TSPAN15: variants seen among roughly 807,000 people sequenced by gnomAD.
The protein encoded by TSPAN15 is tetraspanin 15.
In TSPAN15, 20 loss-of-function variants were observed where a neutral mutation model predicts 34.5. That is an observed-to-expected ratio of 0.58 (90% CI 0.41 to 0.84). The LOEUF (loss-of-function observed/expected upper bound fraction) is 0.84. Among genes scored for constraint, TSPAN15 ranks in the 40% least tolerant of loss-of-function variants. The probability of loss-of-function intolerance (pLI) is 0.00; values close to 1 mark genes in which losing one functional copy is unlikely to be tolerated. For synonymous variants in TSPAN15, 155 were observed against 153.9 expected, an observed-to-expected ratio of 1.01 and a Z score of -0.05; for missense variants, 313 against 386.1, an observed-to-expected ratio of 0.81 and a Z score of 1.59.
chr10:69,485,257 C>A, intron 3 of TSPAN15, 42 bp downstream of exon 3: 1 of 1,586,636 alleles, frequency 6.3e-7, no homozygotes. Context: ...GTGTATGGAG[C>A]ACCCACTGTG....
chr10:69,466,537 C>T (rs1435120096), intron 1 of TSPAN15, among the ~76,000 whole-genome samples: 1 of 100,860 alleles, frequency 9.9e-6, no homozygotes, highest in Non-Finnish European at 2.2e-5. Flanking sequence ...TAGTTTAGGT[C>T]AGGACCGTAT....
At chr10:69,459,780 G>A (rs2133063462) in intron 1 of TSPAN15, among the ~76,000 whole-genome samples, 1 of 150,274 alleles carries the variant, frequency 6.7e-6, no homozygotes, top group African/African-American at 2.4e-5. Context: ...CTGGGTAAAG[G>A]ACCAGCTCTC....
intron 5 of TSPAN15, among the ~76,000 whole-genome samples, chr10:69,504,140 GA>G (rs1842273423): frequency 6.6e-6 from 1 of 152,214 alleles, no homozygotes; most frequent in African/African-American, 2.4e-5. Context: ...CATAGCCCGG[GA>G]GCGTGGGCAG....
chr10:69,529,325 C>T, the TSPAN15 span, among the ~76,000 whole-genome samples: 32,944 of 147,434 alleles, frequency 0.22, 6,577 homozygotes, highest in African/African-American at 0.43. Context: ...GGCTCATCCC[C>T]GCTGCAGCAA....
chr10:69,533,589 C>A, the TSPAN15 span, among the ~76,000 whole-genome samples: 103 of 152,106 alleles, frequency 6.8e-4, 3 homozygotes, highest in South Asian at 0.011. Context: ...GATGGGTGCA[C>A]CAAAATCTCA....
chr10:69,536,707 G>A, the TSPAN15 span, among the ~76,000 whole-genome samples: 13 of 151,990 alleles, frequency 8.6e-5, no homozygotes, highest in Non-Finnish European at 1.3e-4. Flanking sequence ...GGTCCTGGTC[G>A]GGCATGGTGG....
intron 3 of TSPAN15, among the ~76,000 whole-genome samples, chr10:69,493,820 G>T (rs915679988): frequency 6.6e-6 from 1 of 151,446 alleles, no homozygotes; most frequent in Non-Finnish European, 1.5e-5. Flanking sequence ...TCATCATATT[G>T]GTCAGGCTGG....
chr10:69,471,275 A>C (rs1479096556), intron 1 of TSPAN15, among the ~76,000 whole-genome samples: 2 of 152,026 alleles, frequency 1.3e-5, no homozygotes, highest in African/African-American at 4.8e-5. Context: ...GGGCTCTTGT[A>C]TCTAGAACCA....
intron 1 of TSPAN15, among the ~76,000 whole-genome samples, chr10:69,459,328 T>C (rs1589621525): frequency 6.6e-6 from 1 of 152,290 alleles, no homozygotes; most frequent in East Asian, 1.9e-4. Flanking sequence ...GAAGCAACTA[T>C]GAACAAGACA....
the TSPAN15 span, among the ~76,000 whole-genome samples, chr10:69,523,144 C>A: frequency 2.7e-5 from 4 of 147,892 alleles, no homozygotes; most frequent in Non-Finnish European, 6.0e-5. Flanking sequence ...ATGTGGATAT[C>A]CAGTTTTCTC....
At chr10:69,482,763 C>G (rs1841762206) in intron 1 of TSPAN15, among the ~76,000 whole-genome samples, 1 of 152,158 alleles carries the variant, frequency 6.6e-6, no homozygotes, top group Non-Finnish European at 1.5e-5. Flanking sequence ...GGGCTCGAAC[C>G]CATGTTCTCT....
intron 3 of TSPAN15, among the ~76,000 whole-genome samples, chr10:69,485,557 G>A (rs1841834481): frequency 6.6e-6 from 1 of 152,150 alleles, no homozygotes; most frequent in Admixed American, 6.5e-5. Context: ...GGGTGGAGAG[G>A]GGTGGAAGGT....
the TSPAN15 span, among the ~76,000 whole-genome samples, chr10:69,546,970 C>G: frequency 4.6e-5 from 7 of 151,176 alleles, no homozygotes; most frequent in African/African-American, 1.7e-4. Flanking sequence ...ATGGTGAAAC[C>G]TCATTAAAAT....
intron 1 of TSPAN15, among the ~76,000 whole-genome samples, chr10:69,455,197 C>A (rs1841059852): frequency 6.6e-6 from 1 of 151,730 alleles, no homozygotes; most frequent in Admixed American, 6.6e-5. Flanking sequence ...TGACAAGCCT[C>A]CCCTCCTACC....
At chr10:69,515,095 T>G in the TSPAN15 span, among the ~76,000 whole-genome samples, 1 of 152,250 alleles carries the variant, frequency 6.6e-6, no homozygotes, top group East Asian at 1.9e-4. Context: ...CTGCCACATG[T>G]GGCCAGTTGA....
At chr10:69,501,491 A>T (rs1438044045) in intron 5 of TSPAN15, among the ~76,000 whole-genome samples, 2 of 152,208 alleles carry the variant, frequency 1.3e-5, no homozygotes, top group Non-Finnish European at 2.9e-5. Flanking sequence ...TATTTATTTT[A>T]CACTGTACTA....
chr10:69,511,697 C>T (rs1462423061), downstream of TSPAN15, among the ~76,000 whole-genome samples: 1 of 152,144 alleles, frequency 6.6e-6, no homozygotes, highest in African/African-American at 2.4e-5. Context: ...CCCACTTTCT[C>T]TTGTGGGCAT....
the TSPAN15 span, among the ~76,000 whole-genome samples, chr10:69,539,533 A>AAGAAGAAGGAGAAGG: frequency 5.4e-4 from 26 of 48,252 alleles, no homozygotes; most frequent in African/African-American, 2.9e-4. Context: ...GAAGAAGAAG[A>AAGAAGAAGGAGAAGG]AGAAGGAGAA....
the TSPAN15 span, among the ~76,000 whole-genome samples, chr10:69,548,262 T>TA: frequency 2.6e-5 from 4 of 152,210 alleles, no homozygotes; most frequent in East Asian, 7.7e-4. Context: ...GTGTTGTAGC[T>TA]AGATGATCAA....
Sources: gnomAD v4.1 joint callset for allele counts (sites outside exome capture counted in the v4.1 genomes callset) on GRCh38, gnomAD v4.1.1 for gene constraint, MANE v1.5 for transcripts, NCBI Gene and HGNC (gene_info 2026-07-23, HGNC 2026-07-21) for gene names.